Variants in ADCY2 observed in about 807,000 individuals in gnomAD.
ADCY2 encodes the protein adenylate cyclase 2.
In ADCY2, 31 loss-of-function variants were observed where a neutral mutation model predicts 125.2. The observed-to-expected ratio is 0.25, with a 90% CI of 0.19 to 0.33. ADCY2 has a LOEUF of 0.33. ADCY2 is among the 10% of genes least tolerant of loss of function. The pLI is 1.00. For synonymous variants in ADCY2, 512 were observed against 548.4 expected, an observed-to-expected ratio of 0.93 and a Z score of 0.93; for missense variants, 904 against 1,418.2, an observed-to-expected ratio of 0.64 and a Z score of 5.82.
intron 3 of ADCY2, among the ~76,000 whole-genome samples, chr5:7,602,298 G>A (rs1269902715): frequency 2.6e-5 from 4 of 152,142 alleles, no homozygotes; most frequent in Admixed American, 6.5e-5. Context: ...AATCTGCTTC[G>A]ATTTCCTCCT....
chr5:7,572,715 T>C (rs1736104331), intron 3 of ADCY2, among the ~76,000 whole-genome samples: 1 of 152,210 alleles, frequency 6.6e-6, no homozygotes, highest in Admixed American at 6.5e-5. Flanking sequence ...CCAGTGCCTA[T>C]GTTCTGGATG....
At chr5:7,644,954 C>T (rs1318786729) in intron 4 of ADCY2, among the ~76,000 whole-genome samples, 2 of 152,118 alleles carry the variant, frequency 1.3e-5, no homozygotes. Flanking sequence ...ATGCAGTGCC[C>T]TTAACTGATG....
rs1393806287 is a variant in ADCY2, at chr5:7,804,635, C to T, written c.2826C>T (p.Gly942=). Residue 942 remains glycine (G), a synonymous_variant, in exon 22 of 25, where the codon GGC becomes GGT. Transcript: ENST00000338316. ...FSGVEKIKTI[G]STYMAATGLS... ...GAGTTGAAAAGATTAAGACCATTGG[C>T]AGCACATACATGGCAGCAACAGGTC... is the stretch of plus-strand genomic sequence containing the variant. The T allele has an allele frequency of 1.9e-6, 3 of 1,614,068 alleles. No individual in the cohort carries two copies. The highest frequency in any genetic ancestry group is 2.7e-5 in the African/African-American group (2 of 74,926).
intron 11 of ADCY2, among the ~76,000 whole-genome samples, chr5:7,714,742 G>A (rs1302365766): frequency 1.3e-5 from 2 of 152,212 alleles, no homozygotes; most frequent in African/African-American, 4.8e-5. Context: ...AGGCCTCCTG[G>A]AGAGAACCCC....
At chr5:7,791,649 T>C (rs326129) in intron 20 of ADCY2, among the ~76,000 whole-genome samples, 33,025 of 152,040 alleles carry the variant, frequency 0.22, 4,068 homozygotes, top group East Asian at 0.62. Flanking sequence ...GTAATAAAAT[T>C]ACAATGTCTA....
intron 3 of ADCY2, among the ~76,000 whole-genome samples, chr5:7,611,746 T>A (rs1226161307): frequency 6.6e-6 from 1 of 152,158 alleles, no homozygotes; most frequent in Admixed American, 6.6e-5. Flanking sequence ...GCTGAAAAAG[T>A]GTGTGTGAAG....
At chr5:7,637,461 A>G (rs1045241803) in intron 4 of ADCY2, among the ~76,000 whole-genome samples, 4 of 151,620 alleles carry the variant, frequency 2.6e-5, no homozygotes, top group African/African-American at 7.2e-5. Flanking sequence ...AGAGAAGAAG[A>G]AGAAGAAGAA....
At chr5:7,543,875 G>C (rs946161403) in intron 3 of ADCY2, among the ~76,000 whole-genome samples, 1 of 151,870 alleles carries the variant, frequency 6.6e-6, no homozygotes, top group South Asian at 2.1e-4. Context: ...TTAGCTGGGC[G>C]TGATGGAGGG....
intron 2 of ADCY2, among the ~76,000 whole-genome samples, chr5:7,418,749 G>A (rs1207237848): frequency 7.2e-6 from 1 of 139,092 alleles, no homozygotes; most frequent in Non-Finnish European, 1.5e-5. Context: ...TCCGCCTCCT[G>A]GGTTCAAGCA....
chr5:7,454,445 C>G (rs1318603666), intron 2 of ADCY2, among the ~76,000 whole-genome samples: 1 of 152,158 alleles, frequency 6.6e-6, no homozygotes, highest in Non-Finnish European at 1.5e-5. Context: ...CGTCTATTTA[C>G]TTTTCAATTC....
intron 12 of ADCY2, among the ~76,000 whole-genome samples, chr5:7,718,144 G>C (rs962844859): frequency 1.8e-4 from 17 of 95,198 alleles, no homozygotes; most frequent in African/African-American, 7.1e-4. Flanking sequence ...GCCTGTTTTA[G>C]ATTTTTTTTT....
At chr5:7,399,007 TG>T (rs1411041420) in intron 1 of ADCY2, among the ~76,000 whole-genome samples, 2 of 152,210 alleles carry the variant, frequency 1.3e-5, no homozygotes, top group African/African-American at 2.4e-5. Flanking sequence ...GTTCATTTCT[TG>T]GGCTGGCAGG....
At chr5:7,426,915 A>G (rs996396766) in intron 2 of ADCY2, among the ~76,000 whole-genome samples, 10 of 152,136 alleles carry the variant, frequency 6.6e-5, no homozygotes, top group African/African-American at 2.2e-4. Context: ...AAGAGTGGTG[A>G]ACAGAGCTAG....
intron 3 of ADCY2, among the ~76,000 whole-genome samples, chr5:7,578,593 G>T (rs1472812155): frequency 6.6e-6 from 1 of 152,152 alleles, no homozygotes; most frequent in Non-Finnish European, 1.5e-5. Context: ...TTGTTTATCT[G>T]ATATCTGTGA....
intron 3 of ADCY2, among the ~76,000 whole-genome samples, chr5:7,556,125 C>T (rs1014997306): frequency 4.6e-5 from 7 of 152,022 alleles, no homozygotes; most frequent in African/African-American, 1.7e-4. Context: ...TGTAACCCAC[C>T]GCCAATAGCT....
rs141466997 is a variant in ADCY2, at chr5:7,729,494, G to A, written c.1871+2233G>A. On this transcript the variant is annotated intron_variant, in intron 14 of 24. Transcript: ENST00000338316. ...TATTTTGATTTTATAATTGATGTGC[G>A]TGGACCCACTTCTACCATTTTATTT... 5.8e-3 allele frequency among the ~76,000 whole-genome samples: 871 copies of A among 151,400 alleles called. 5 individuals are homozygous for A. The highest frequency in any genetic ancestry group is 8.4e-3 in the Non-Finnish European group (571 of 67,836).
At chr5:7,717,354 A>C (rs1741621578) in intron 12 of ADCY2, 117 bp downstream of exon 12, 3 of 573,556 alleles carry the variant, frequency 5.2e-6, no homozygotes, top group Non-Finnish European at 9.1e-6. Flanking sequence ...CCATTCATTC[A>C]TTTCACTTCA....
At chr5:7,468,846 A>C (rs984234872) in intron 2 of ADCY2, among the ~76,000 whole-genome samples, 1 of 152,172 alleles carries the variant, frequency 6.6e-6, no homozygotes, top group Non-Finnish European at 1.5e-5. Context: ...TGACTGTTTA[A>C]ATAAATAACA....
At chr5:7,603,069 C>T (rs1200864939) in intron 3 of ADCY2, among the ~76,000 whole-genome samples, 1 of 152,098 alleles carries the variant, frequency 6.6e-6, no homozygotes, top group African/African-American at 2.4e-5. Flanking sequence ...ACATTCAAGG[C>T]AAGCAGAATA....
Sources: gnomAD v4.1 joint callset for allele counts (sites outside exome capture counted in the v4.1 genomes callset) on GRCh38, gnomAD v4.1.1 for gene constraint, MANE v1.5 for transcripts, NCBI Gene and HGNC (gene_info 2026-07-23, HGNC 2026-07-21) for gene names.